Variants in ASTN2 observed in about 807,000 individuals in gnomAD.
ASTN2 encodes astrotactin 2, also known as astrotactin-2.
ASTN2 carries 54 observed loss-of-function variants against 139.8 expected under a neutral mutation model. That is an observed-to-expected ratio of 0.39 (90% confidence interval 0.31 to 0.48). ASTN2 has a LOEUF of 0.48. Among genes scored for constraint, ASTN2 ranks in the 20% least tolerant of loss-of-function variants. The probability of loss-of-function intolerance (pLI) is 0.95; values close to 1 mark genes in which losing one functional copy is unlikely to be tolerated. For missense variants in ASTN2, 1,565 were observed against 1,725.1 expected (o/e 0.91, Z 1.64); for synonymous variants, 756 against 719.5 (o/e 1.05, Z -0.81).
intron 19 of ASTN2, among the ~76,000 whole-genome samples, chr9:116,535,609 T>C (rs1044742355): frequency 1.7e-4 from 26 of 152,250 alleles, no homozygotes; most frequent in African/African-American, 6.3e-4. Context: ...CTCTCCTTCA[T>C]TTATGAAGCT....
chr9:116,500,525 C>T (rs912278822), intron 19 of ASTN2, among the ~76,000 whole-genome samples: 2 of 152,206 alleles, frequency 1.3e-5, no homozygotes, highest in Admixed American at 6.5e-5. Context: ...AGGAACCCAC[C>T]CTTACTGTGT....
chr9:116,672,320 C>A (rs1258079667), intron 16 of ASTN2, among the ~76,000 whole-genome samples: 1 of 150,976 alleles, frequency 6.6e-6, no homozygotes, highest in Non-Finnish European at 1.5e-5. Flanking sequence ...GAGCTGAGAT[C>A]ATGACACTGC....
intron 8 of ASTN2, 49 bp downstream of exon 8, chr9:116,976,652 T>C (rs1489215096): frequency 5.9e-6 from 9 of 1,537,336 alleles, no homozygotes; most frequent in Non-Finnish European, 7.2e-6. Context: ...ACAGAGGAGG[T>C]AAAAGTGGGT....
intron 19 of ASTN2, among the ~76,000 whole-genome samples, chr9:116,498,428 A>AAC (rs1424250770): frequency 7.9e-6 from 1 of 126,546 alleles, no homozygotes; most frequent in Admixed American, 7.6e-5. Flanking sequence ...CTAAAAAAAA[A>AAC]CAAAAAACAA....
At chr9:116,598,670 G>C (rs1854710763) in intron 19 of ASTN2, among the ~76,000 whole-genome samples, 1 of 152,188 alleles carries the variant, frequency 6.6e-6, no homozygotes, top group Non-Finnish European at 1.5e-5. Context: ...ATTATTGTGA[G>C]AATTAAATGA....
intron 17 of ASTN2, among the ~76,000 whole-genome samples, chr9:116,621,610 T>C (rs914891023): frequency 2.0e-5 from 3 of 152,120 alleles, no homozygotes; most frequent in African/African-American, 4.8e-5. Context: ...CCATAACACA[T>C]AGACCATACC....
chr9:116,503,380 C>T (rs1035714195), intron 19 of ASTN2, among the ~76,000 whole-genome samples: 2 of 152,022 alleles, frequency 1.3e-5, no homozygotes, highest in African/African-American at 4.8e-5. Flanking sequence ...ATCCCTCCCA[C>T]CCACATATAG....
chr9:116,441,346 G>C (rs1847834373), intron 21 of ASTN2, among the ~76,000 whole-genome samples: 1 of 151,814 alleles, frequency 6.6e-6, no homozygotes, highest in Non-Finnish European at 1.5e-5. Context: ...TGAGTAGAAG[G>C]CATATTCTTC....
At chr9:117,199,356 C>G (rs1279340465) in intron 3 of ASTN2, among the ~76,000 whole-genome samples, 1 of 152,138 alleles carries the variant, frequency 6.6e-6, no homozygotes, top group Admixed American at 6.5e-5. Flanking sequence ...ATATGGCTAG[C>G]CAGCACCATT....
chr9:117,386,029 G>A (rs1389592994), intron 1 of ASTN2, among the ~76,000 whole-genome samples: 2 of 152,088 alleles, frequency 1.3e-5, no homozygotes, highest in Non-Finnish European at 2.9e-5. Flanking sequence ...AGGCAAGTGG[G>A]GTCCCTGGAA....
At chr9:117,071,386 G>T (rs1384321039) in intron 5 of ASTN2, among the ~76,000 whole-genome samples, 1 of 151,428 alleles carries the variant, frequency 6.6e-6, no homozygotes, top group East Asian at 1.9e-4. Flanking sequence ...CTCCAGCTGC[G>T]TGCTGGGAGA....
chr9:116,917,403 C>A lies in ASTN2; in HGVS notation c.1890-53670G>T, dbSNP rs575563052. The stretch of plus-strand genomic sequence containing the variant: ...GTCTACTTGGATCATGATTGAGCCC[C>A]CCGTTCCATGCACAGGGCTTAGATT... On this transcript the variant is annotated intron_variant, in intron 10 of 22. Coordinates refer to ENST00000313400, the MANE Select transcript of ASTN2 (RefSeq NM_001365068.1). Among the ~76,000 whole-genome samples, 3 of 152,250 alleles carry A rather than the reference C, an allele frequency of 2.0e-5. No homozygotes were observed. In the East Asian group the frequency reaches 5.8e-4, roughly 29 times the overall value.
chr9:117,339,635 T>C (rs1432561579), intron 1 of ASTN2, among the ~76,000 whole-genome samples: 1 of 152,208 alleles, frequency 6.6e-6, no homozygotes, highest in South Asian at 2.1e-4. Flanking sequence ...CCATTTTTCA[T>C]ACGATTAATG....
chr9:117,114,783 T>C (rs766598653), intron 4 of ASTN2, among the ~76,000 whole-genome samples: 5 of 152,150 alleles, frequency 3.3e-5, no homozygotes, highest in African/African-American at 4.8e-5. Flanking sequence ...GGCCATGCAA[T>C]GTCACTTAGT....
Position 116,902,474 on chromosome 9 carries a change from T to A in ASTN2, c.1890-38741A>T, listed in dbSNP as rs558039063. ...ATATACCATATTTTGGTGTACATTT[T>A]CTATGCTTAGATACACAAATACCAT... On this transcript the variant is annotated intron_variant, in intron 10 of 22. Coordinates refer to ENST00000313400, the MANE Select transcript of ASTN2 (RefSeq NM_001365068.1). Among the ~76,000 whole-genome samples the A allele has an allele frequency of 2.2e-3, 330 of 152,322 alleles. 3 individuals carry two copies. Among genetic ancestry groups the A allele is most frequent in the African/African-American group, 7.5e-3 (312 of 41,578 alleles).
At chr9:117,038,768 C>A (rs1223078153) in intron 6 of ASTN2, among the ~76,000 whole-genome samples, 1 of 152,076 alleles carries the variant, frequency 6.6e-6, no homozygotes, top group African/African-American at 2.4e-5. Flanking sequence ...AAACAGACGC[C>A]AACATATCCT....
At chr9:116,686,694 TACCTTC>T in intron 16 of ASTN2, 1 of 1,550,402 alleles carries the variant, frequency 6.4e-7, no homozygotes, top group Non-Finnish European at 8.7e-7. Context: ...GGTTCCCGGG[TACCTTC>T]AGTCTGCAGG....
At chr9:116,686,570 A>G in intron 16 of ASTN2, 1 of 950,458 alleles carries the variant, frequency 1.1e-6, no homozygotes, top group Non-Finnish European at 1.6e-6. Flanking sequence ...CCTGTATCAG[A>G]CCTCGTCCTT....
In ASTN2 at chr9:117,116,037, C is replaced by CATATATATAT. The variant is rs113795526; in HGVS notation, c.1169-19896_1169-19887dup. Among the ~76,000 whole-genome samples the CATATATATAT allele has an allele frequency of 1.6e-3, 231 of 140,494 alleles. 1 individual carries two copies. Among genetic ancestry groups the CATATATATAT allele is most frequent in the Middle Eastern group, 0.011 (3 of 278 alleles). 92.2% of individuals were successfully genotyped at this position (140,494 alleles called of 152,430 possible). On this transcript the variant is annotated intron_variant, in intron 4 of 22. Transcript: ENST00000313400. Reference sequence around the variant, plus strand: ...GAGACTCCGCCTCAAAAAAAAAATGCATATATATATATATATTGCTCCCAT... The same window carrying CATATATATAT: ...GAGACTCCGCCTCAAAAAAAAAATGCATATATATATATATATATATATATATTGCTCCCAT...
Sources: allele counts gnomAD v4.1 joint callset (sites outside exome capture counted in the v4.1 genomes callset), GRCh38; gene constraint gnomAD v4.1.1; transcripts MANE v1.5; gene names NCBI Gene and HGNC (gene_info 2026-07-23, HGNC 2026-07-21).